Variants in RANBP10 observed in about 807,000 individuals in gnomAD.
RANBP10 encodes ran-binding protein 10.
In RANBP10, 24 loss-of-function variants were observed where a neutral mutation model predicts 72.8. The observed-to-expected ratio is 0.33, with a 90% CI of 0.24 to 0.46. The LOEUF is 0.46. RANBP10 is among the 20% of genes least tolerant of loss of function. The probability of loss-of-function intolerance (pLI) is 1.00; values close to 1 mark genes in which losing one functional copy is unlikely to be tolerated. For missense variants in RANBP10, 679 were observed against 817.5 expected (o/e 0.83, Z 2.07); for synonymous variants, 310 against 322.3 (o/e 0.96, Z 0.41).
intron 1 of RANBP10, among the ~76,000 whole-genome samples, chr16:67,805,955 G>A (rs2055401661): frequency 6.6e-6 from 1 of 152,234 alleles, no homozygotes; most frequent in Admixed American, 6.5e-5. Flanking sequence ...TGAGTCTCAC[G>A]CTAATGGTAG....
intron 3 of RANBP10, among the ~76,000 whole-genome samples, chr16:67,746,632 C>G (rs2054085940): frequency 6.6e-6 from 1 of 152,172 alleles, no homozygotes; most frequent in Admixed American, 6.5e-5. Flanking sequence ...GCCTGGGCAA[C>G]AAAGTGAGAC....
Sources: gnomAD v4.1 joint callset for allele counts (sites outside exome capture counted in the v4.1 genomes callset) on GRCh38, gnomAD v4.1.1 for gene constraint, MANE v1.5 for transcripts, NCBI Gene and HGNC (gene_info 2026-07-23, HGNC 2026-07-21) for gene names.